The following BCL2L13 variants were observed in gnomAD, a reference collection of about 807,000 sequenced individuals.
BCL2L13 encodes the protein bcl-2-like protein 13.
A neutral mutation model predicts 25.8 loss-of-function variants in BCL2L13; 13 were observed. The ratio of observed to expected loss-of-function variants is 0.50; its 90% confidence interval spans 0.33 to 0.80. BCL2L13 has a LOEUF of 0.80. Among genes scored for constraint, BCL2L13 ranks in the 30% least tolerant of loss-of-function variants. The pLI is 0.02. For missense variants in BCL2L13, 504 were observed against 574.9 expected (o/e 0.88, Z 1.26); for synonymous variants, 244 against 230.3 (o/e 1.06, Z -0.54).
chr22:17,709,847 G>A (rs1208848348), intron 6 of BCL2L13, among the ~76,000 whole-genome samples: 2 of 151,920 alleles, frequency 1.3e-5, no homozygotes, highest in Non-Finnish European at 2.9e-5. Context: ...GGCCGAGGCA[G>A]GCAGATTGCC....
chr22:17,664,295 T>TC (rs1226236855), intron 2 of BCL2L13, among the ~76,000 whole-genome samples: 1 of 152,182 alleles, frequency 6.6e-6, no homozygotes, highest in African/African-American at 2.4e-5. Context: ...GGCAGTCAAA[T>TC]CTTAAAGCTC....
At chr22:17,697,483 T>C (rs895810766) in intron 5 of BCL2L13, among the ~76,000 whole-genome samples, 2 of 152,128 alleles carry the variant, frequency 1.3e-5, no homozygotes, top group South Asian at 2.1e-4. Flanking sequence ...TCGGGGGACA[T>C]GTATGTGCAG....
chr22:17,694,644 G>A lies in BCL2L13; in HGVS notation c.387-1497G>A, dbSNP rs182669120. ...TTTTTCTTCCTCATTGAAATCTAGT[G>A]TGTATATTATACTTTCAGCACACTG... On this transcript the variant is annotated intron_variant, in intron 4 of 6. Transcript: ENST00000317582. Among the ~76,000 whole-genome samples, 759 of 152,090 alleles carry A rather than the reference G, an allele frequency of 5.0e-3. 4 individuals carry two copies. Among genetic ancestry groups the A allele is most frequent in the African/African-American group, 0.016 (659 of 41,462 alleles).
chr22:17,654,924 A>G (rs532978371), intron 1 of BCL2L13, among the ~76,000 whole-genome samples: 1 of 151,482 alleles, frequency 6.6e-6, no homozygotes, highest in South Asian at 2.1e-4. Flanking sequence ...GAGTCTTGCT[A>G]TATTGCCCAG....
intron 3 of BCL2L13, among the ~76,000 whole-genome samples, chr22:17,686,410 A>G (rs901794228): frequency 4.6e-5 from 7 of 152,078 alleles, no homozygotes; most frequent in African/African-American, 1.4e-4. Context: ...AGATCATGCC[A>G]CTGTACTCCA....
intron 6 of BCL2L13, among the ~76,000 whole-genome samples, chr22:17,718,214 T>C (rs1050365409): frequency 2.6e-5 from 4 of 151,898 alleles, no homozygotes; most frequent in Non-Finnish European, 5.9e-5. Context: ...CCAGAAAATG[T>C]TGATGGAAGG....
chr22:17,656,249 A>AT (rs1047424181), intron 2 of BCL2L13, among the ~76,000 whole-genome samples: 5 of 150,958 alleles, frequency 3.3e-5, no homozygotes, highest in Non-Finnish European at 5.9e-5. Context: ...CAAAAAAAAA[A>AT]AAATATACAC....
At chr22:17,632,588 TAC>T (rs377132165) in intron 1 of BCL2L13, among the ~76,000 whole-genome samples, 2 of 152,268 alleles carry the variant, frequency 1.3e-5, no homozygotes, top group African/African-American at 2.4e-5. Context: ...CCTGTATTTT[TAC>T]AGTGTTCTGC....
Position 17,727,204 on chromosome 22 carries a change from G to GTT in BCL2L13, c.1130_1131dup (p.Val378LeufsTer2). Reference sequence around the variant, plus strand: ...AGAAATCCAGCCCTGCTACATCTCTGTTTGTAGAACTTGATGAAGAAGAGG... The same window carrying GTT: ...AGAAATCCAGCCCTGCTACATCTCTGTTTTTGTAGAACTTGATGAAGAAGAGG... On this transcript the variant is annotated frameshift_variant, in exon 7 of 7. Coordinates refer to ENST00000317582, the MANE Select transcript of BCL2L13 (RefSeq NM_015367.4). LOFTEE classifies it low-confidence loss of function (END_TRUNC). The GTT allele has an allele frequency of 6.2e-7, 1 of 1,614,248 alleles. No individual in the cohort carries two copies. Among genetic ancestry groups the GTT allele is most frequent in the Non-Finnish European group, 8.5e-7 (1 of 1,180,052 alleles).
rs369989141 is a variant in BCL2L13, at chr22:17,660,756, A to G, written c.121+4924A>G. Among the ~76,000 whole-genome samples the G allele has an allele frequency of 3.8e-4, 56 of 145,464 alleles. 5 individuals carry two copies. The South Asian group carries it at 0.012, about 30-fold the overall frequency. ...TCATTTATTTAATTTAACTATTTCAACTTTTGTAATGTTTTTTATTATTCC... is the reference window on the plus strand; with the variant it reads ...TCATTTATTTAATTTAACTATTTCAGCTTTTGTAATGTTTTTTATTATTCC... On this transcript the variant is annotated intron_variant, in intron 2 of 6. Transcript: ENST00000317582.
intron 2 of BCL2L13, among the ~76,000 whole-genome samples, chr22:17,673,361 C>CTTT (rs35861622): frequency 2.6e-5 from 3 of 115,464 alleles, no homozygotes; most frequent in Admixed American, 9.2e-5. Flanking sequence ...TCTTTTCTTT[C>CTTT]TTTTTTTTTT....
chr22:17,635,739 T>A (rs2058092723), upstream of BCL2L13, among the ~76,000 whole-genome samples: 1 of 151,554 alleles, frequency 6.6e-6, no homozygotes, highest in African/African-American at 2.4e-5. Context: ...AGACAGAGTC[T>A]CACTCTGTCG....
rs535248250 is a variant in BCL2L13, at chr22:17,719,961, A to G, written c.601-6716A>G. 3.3e-5 allele frequency among the ~76,000 whole-genome samples: 5 copies of G among 152,248 alleles called. No homozygotes were observed. The South Asian group carries it at 1.0e-3, about 32-fold the overall frequency. On this transcript the variant is annotated intron_variant, in intron 6 of 6. Coordinates refer to ENST00000317582, the MANE Select transcript of BCL2L13 (RefSeq NM_015367.4). ...TTGCATGACTCCATTTCTACTTCTC[A>G]GAATAGGCAATCCGTAGAGATAGAA...
chr22:17,727,174 A>T lies in BCL2L13; in HGVS notation c.1098A>T (p.Thr366=). The change falls in exon 7 of 7, where the codon ACA becomes ACT. Residue 366 remains threonine (T), a synonymous_variant. Transcript: ENST00000317582. ...GTREPDTEVI[T]VEKSSPATSL... The stretch of plus-strand genomic sequence containing the variant: ...GGGAACCTGACACAGAAGTGATCAC[A>T]GTTGAGAAATCCAGCCCTGCTACAT... 6.2e-7 allele frequency: 1 copy of T among 1,614,224 alleles called. No homozygotes were observed. Among genetic ancestry groups the T allele is most frequent in the Non-Finnish European group, 8.5e-7 (1 of 1,180,048 alleles).
intron 2 of BCL2L13, among the ~76,000 whole-genome samples, chr22:17,656,290 C>T (rs1326407678): frequency 6.8e-6 from 1 of 147,122 alleles, no homozygotes; most frequent in Non-Finnish European, 1.5e-5. Context: ...GCCATTCTTT[C>T]CATTTCCAGA....
chr22:17,685,754 C>CT (rs2059909181), intron 3 of BCL2L13, among the ~76,000 whole-genome samples: 3 of 53,994 alleles, frequency 5.6e-5, no homozygotes, highest in African/African-American at 1.3e-4. Context: ...ATAATTTTTT[C>CT]TTTTTCTTTT....
chr22:17,631,681 TATATATATATATATATATATA>T (rs2058023592), intron 1 of BCL2L13, among the ~76,000 whole-genome samples: 2 of 23,652 alleles, frequency 8.5e-5, no homozygotes, highest in Non-Finnish European at 2.1e-4. Flanking sequence ...TATATATATA[TATATATATATATATATATATA>T]TATATTTTTT....
chr22:17,700,737 G>A (rs899326285), intron 5 of BCL2L13, among the ~76,000 whole-genome samples: 2 of 152,160 alleles, frequency 1.3e-5, no homozygotes, highest in African/African-American at 2.4e-5. Flanking sequence ...TTAAGAAGGA[G>A]TTTTCAATAT....
intron 6 of BCL2L13, among the ~76,000 whole-genome samples, chr22:17,708,165 C>T (rs772765214): frequency 6.6e-6 from 1 of 150,982 alleles, no homozygotes; most frequent in African/African-American, 2.4e-5. Context: ...TCTCTACTTC[C>T]CTTTTTAATT....
Sources: gnomAD v4.1 joint callset for allele counts (sites outside exome capture counted in the v4.1 genomes callset) on GRCh38, gnomAD v4.1.1 for gene constraint, MANE v1.5 for transcripts, NCBI Gene and HGNC (gene_info 2026-07-23, HGNC 2026-07-21) for gene names.